The following DKK3 variants were observed in gnomAD, a reference collection of about 807,000 sequenced individuals.
DKK3 encodes the protein dickkopf-related protein 3.
DKK3 carries 22 observed loss-of-function variants against 33.2 expected under a neutral mutation model. The observed-to-expected ratio is 0.66, with a 90% CI of 0.47 to 0.95. The LOEUF is 0.95. Ranked by LOEUF, DKK3 falls within the 40% of genes least tolerant of loss-of-function variation. The probability of loss-of-function intolerance (pLI) is 0.00; values close to 1 mark genes in which losing one functional copy is unlikely to be tolerated. For missense variants in DKK3, 398 were observed against 458.4 expected (o/e 0.87, Z 1.20); for synonymous variants, 194 against 188.8 (o/e 1.03, Z -0.23).
intron 3 of DKK3, among the ~76,000 whole-genome samples, chr11:11,997,665 C>A (rs935171743): frequency 6.6e-6 from 1 of 152,142 alleles, no homozygotes; most frequent in African/African-American, 2.4e-5. Context: ...CCTCCCCCCA[C>A]CCCCAGGCTC....
Position 11,966,079 on chromosome 11 carries a change from G to A in DKK3, c.674-114C>T, listed in dbSNP as rs1401903452. 3 of 1,292,206 alleles carry A rather than the reference G, an allele frequency of 2.3e-6. No individual in the cohort carries two copies. In the African/African-American group the frequency reaches 4.5e-5, roughly 19 times the overall value. The allele number at this position is 1,292,206 out of a possible 1,614,324, so 80.0% of individuals were successfully genotyped here. A position where few individuals can be genotyped will look rare whatever the true frequency, so the allele number is the denominator to read the frequency against. Reference sequence around the variant, plus strand: ...CACCTCCCACCCTCAACCCCAAAGTGCAGGCTAGTTTTGAAGATACGGAAT... The same window carrying A: ...CACCTCCCACCCTCAACCCCAAAGTACAGGCTAGTTTTGAAGATACGGAAT... On this transcript the variant is annotated intron_variant, in intron 5 of 6. Transcript: ENST00000683431.
At position 12,008,587 on chromosome 11, in the gene DKK3, G is replaced by A; in HGVS notation, c.-5C>T. ...GGTGGCCCCAAGCCGCTGCATCTCC[G>A]CTCTGCGCCCGCAGCCGCCGCCTGT... On this transcript the variant is annotated 5_prime_UTR_variant, in exon 1 of 7. Coordinates refer to ENST00000683431, the MANE Select transcript of DKK3 (RefSeq NM_001018057.2). This position sits in a 1 kb window ranked among gnomAD's most constrained non-coding sequence, Gnocchi z 4.6. 1.4e-6 allele frequency: 2 copies of A among 1,405,468 alleles called. No homozygotes were observed. Among genetic ancestry groups the A allele is most frequent in the Non-Finnish European group, 1.8e-6 (2 of 1,090,544 alleles). 87.1% of individuals were successfully genotyped at this position (1,405,468 alleles called of 1,614,324 possible).
At chr11:11,969,080 A>C (rs1345561800) in intron 3 of DKK3, among the ~76,000 whole-genome samples, 1 of 152,176 alleles carries the variant, frequency 6.6e-6, no homozygotes, top group East Asian at 1.9e-4. Flanking sequence ...CTCCCAGCCC[A>C]GGTGCTGTCT....
intron 3 of DKK3, among the ~76,000 whole-genome samples, chr11:11,977,821 G>T (rs988997721): frequency 6.6e-6 from 1 of 152,132 alleles, no homozygotes; most frequent in African/African-American, 2.4e-5. Flanking sequence ...CTCCTCCATG[G>T]CTCCTTATTC....
At chr11:11,965,711 A>T (rs12281675) in intron 6 of DKK3, 98 bp downstream of exon 6, 10 of 1,442,778 alleles carry the variant, frequency 6.9e-6, no homozygotes, top group Non-Finnish European at 9.3e-6. Context: ...GGGAATCTAC[A>T]CCTCCCCCAG....
chr11:12,009,534 T>C, upstream of DKK3: 1 of 964,700 alleles, frequency 1.0e-6, no homozygotes, highest in African/African-American at 1.8e-5. Flanking sequence ...TCTCCTTCAC[T>C]GCCTGCCCCT....
At chr11:11,979,331 G>C (rs539929368) in intron 3 of DKK3, among the ~76,000 whole-genome samples, 4 of 152,212 alleles carry the variant, frequency 2.6e-5, no homozygotes, top group African/African-American at 9.6e-5. Flanking sequence ...TGCAAACCCC[G>C]CGGGACCTAC....
chr11:11,983,634 G>A (rs1285658296), intron 3 of DKK3, among the ~76,000 whole-genome samples: 1 of 152,220 alleles, frequency 6.6e-6, no homozygotes, highest in East Asian at 1.9e-4. Context: ...CCAAGCTGCA[G>A]CCACAGGACA....
chr11:11,995,165 G>A (rs776926684), intron 3 of DKK3, among the ~76,000 whole-genome samples: 14 of 152,140 alleles, frequency 9.2e-5, no homozygotes, highest in African/African-American at 3.1e-4. Flanking sequence ...CTGCAGCCTC[G>A]ACCGCCTGGG....
intron 3 of DKK3, among the ~76,000 whole-genome samples, chr11:11,996,264 A>C (rs943066449): frequency 6.6e-6 from 1 of 152,250 alleles, no homozygotes; most frequent in Non-Finnish European, 1.5e-5. Flanking sequence ...GACAAAGCAC[A>C]GTCCCCTGCA....
At chr11:11,973,356 A>G (rs1847764941) in intron 3 of DKK3, among the ~76,000 whole-genome samples, 1 of 152,148 alleles carries the variant, frequency 6.6e-6, no homozygotes, top group Non-Finnish European at 1.5e-5. Context: ...ACAACTTAGT[A>G]GCACCTGCCC....
At chr11:11,973,926 C>T (rs777774719) in intron 3 of DKK3, among the ~76,000 whole-genome samples, 1 of 152,194 alleles carries the variant, frequency 6.6e-6, no homozygotes, top group African/African-American at 2.4e-5. Context: ...GCAGAGGCAC[C>T]GCTTCTTTGG....
At chr11:12,009,278 G>T, upstream of DKK3, 2 of 984,074 alleles carry the variant, frequency 2.0e-6, no homozygotes, top group Non-Finnish European at 2.4e-6. Context: ...TGGGCGGGCC[G>T]CGGGTGCGGG....
intron 3 of DKK3, among the ~76,000 whole-genome samples, chr11:11,971,492 CT>C (rs1847725381): frequency 1.3e-5 from 2 of 152,194 alleles, no homozygotes; most frequent in African/African-American, 4.8e-5. Context: ...GGTGAAAGCA[CT>C]TGCATCTTAC....
intron 3 of DKK3, among the ~76,000 whole-genome samples, chr11:11,973,887 G>A (rs1002802137): frequency 2.6e-5 from 4 of 152,204 alleles, no homozygotes; most frequent in African/African-American, 9.7e-5. Flanking sequence ...TGAGTCCCTG[G>A]AGGCTTTCCC....
rs556264209 is a variant in DKK3, at chr11:11,998,336, G to A, written c.435+360C>T. 3 of 351,990 alleles carry A rather than the reference G, an allele frequency of 8.5e-6. No individual in the cohort carries two copies. In the South Asian group the frequency reaches 9.6e-5, roughly 11 times the overall value. 21.8% of individuals were successfully genotyped at this position (351,990 alleles called of 1,614,324 possible). A position where few individuals can be genotyped will look rare whatever the true frequency, so the allele number is the denominator to read the frequency against. On this transcript the variant is annotated intron_variant, in intron 3 of 6. Coordinates refer to ENST00000683431, the MANE Select transcript of DKK3 (RefSeq NM_001018057.2). ...CTGACCAGAGGTGGGATTACAAAAGGGGTAGCCATCCCAGAGGCTCTGGGG... is the reference window on the plus strand; with the variant it reads ...CTGACCAGAGGTGGGATTACAAAAGAGGTAGCCATCCCAGAGGCTCTGGGG...
chr11:11,972,950 C>T (rs1847755783), intron 3 of DKK3, among the ~76,000 whole-genome samples: 1 of 151,828 alleles, frequency 6.6e-6, no homozygotes, highest in South Asian at 2.1e-4. Flanking sequence ...AAATAAGAGG[C>T]CTGGGAGGGA....
rs1005663885 is a variant in DKK3, at chr11:11,963,699, G to C, written c.*765C>G. On this transcript the variant is annotated 3_prime_UTR_variant, in exon 7 of 7. Transcript: ENST00000683431. ...GGGGAGCACTTTTGGTGGCACCAAG[G>C]CTGGTGTGGGGTAGTGGAGAGAGCA... 9 of 152,208 alleles carry C rather than the reference G, an allele frequency of 5.9e-5. No individual in the cohort carries two copies. Among genetic ancestry groups the C allele is most frequent in the African/African-American group, 2.2e-4 (9 of 41,424 alleles). The allele number at this position is 152,208 out of a possible 1,614,324, so 9.4% of individuals were successfully genotyped here.
chr11:11,981,666 G>A (rs1399786956), intron 3 of DKK3, among the ~76,000 whole-genome samples: 1 of 152,154 alleles, frequency 6.6e-6, no homozygotes, highest in Non-Finnish European at 1.5e-5. Flanking sequence ...TAATCATGGT[G>A]GGGTTTGTGC....
Sources: allele counts gnomAD v4.1 joint callset (sites outside exome capture counted in the v4.1 genomes callset), GRCh38; gene constraint gnomAD v4.1.1; non-coding constraint Gnocchi (gnomAD v3.1); transcripts MANE v1.5; gene names NCBI Gene and HGNC (gene_info 2026-07-23, HGNC 2026-07-21).